The following COL4A1 variants were observed in gnomAD, a reference collection of about 807,000 sequenced individuals.
COL4A1 encodes collagen type IV alpha 1 chain.
A neutral mutation model predicts 216.6 loss-of-function variants in COL4A1; 40 were observed. That is an observed-to-expected ratio of 0.18 (90% CI 0.14 to 0.24). The LOEUF is 0.24. COL4A1 is among the 10% of genes least tolerant of loss of function. COL4A1 has a pLI of 1.00. For synonymous variants in COL4A1, 839 were observed against 810.7 expected (o/e 1.03, Z -0.59); for missense variants, 1,628 against 2,196.8 (o/e 0.74, Z 5.18).
Position 110,207,040 on chromosome 13 carries a change from TG to T in COL4A1, c.781-150del. 1 of 876,090 alleles carries T rather than the reference TG, an allele frequency of 1.1e-6. No individual in the cohort carries two copies. The highest frequency in any genetic ancestry group is 1.8e-6 in the Non-Finnish European group (1 of 545,584). 54.3% of individuals were successfully genotyped at this position (876,090 alleles called of 1,614,324 possible). A position where few individuals can be genotyped will look rare whatever the true frequency, so the allele number is the denominator to read the frequency against. On this transcript the variant is annotated intron_variant, in intron 13 of 51. Coordinates refer to ENST00000375820, the MANE Select transcript of COL4A1 (RefSeq NM_001845.6). The surrounding 1 kb of genome is among the most constrained non-coding windows in gnomAD (Gnocchi z 4.4). ...TTGATCTCCAGCACTCACTTGACAT[TG>T]ACTGGTATAAATGTAAGCAGGGCAG...
At chr13:110,192,786 C>A in intron 23 of COL4A1, 44 bp downstream of exon 23, 2 of 1,571,532 alleles carry the variant, frequency 1.3e-6, no homozygotes, top group Non-Finnish European at 1.8e-6. Flanking sequence ...TGCCAACACA[C>A]CAAAGCAAAC....
intron 1 of COL4A1, among the ~76,000 whole-genome samples, chr13:110,282,647 T>G (rs1463319192): frequency 6.6e-6 from 1 of 152,226 alleles, no homozygotes; most frequent in Non-Finnish European, 1.5e-5. Flanking sequence ...CATAACTGTG[T>G]GTCCTACCCT....
chr13:110,238,577 A>G (rs147626390), intron 2 of COL4A1, among the ~76,000 whole-genome samples: 1,548 of 152,298 alleles, frequency 0.01, 23 homozygotes, highest in African/African-American at 0.034. Flanking sequence ...CTTCTCAGAA[A>G]GACTTTTGTA....
intron 33 of COL4A1, 130 bp downstream of exon 33, chr13:110,177,712 C>T: frequency 1.1e-6 from 1 of 921,290 alleles, no homozygotes; most frequent in Non-Finnish European, 1.7e-6. Context: ...TCCCAGCCTT[C>T]TGCTTGATGT....
intron 1 of COL4A1, among the ~76,000 whole-genome samples, chr13:110,248,347 G>A (rs372907546): frequency 1.3e-3 from 186 of 141,868 alleles, no homozygotes; most frequent in African/African-American, 4.7e-3. Context: ...TCTGGAAGGC[G>A]CTCAGCCGCC....
intron 1 of COL4A1, among the ~76,000 whole-genome samples, chr13:110,248,503 T>A (rs1227419959): frequency 6.6e-6 from 1 of 152,048 alleles, no homozygotes; most frequent in Non-Finnish European, 1.5e-5. Flanking sequence ...TTGACCTTCA[T>A]CACGTCCTGC....
rs531510212 is a variant in COL4A1 at position 110,221,948 on chromosome 13, T to C, written c.145-7933A>G. On this transcript the variant is annotated intron_variant, in intron 2 of 51. Coordinates refer to ENST00000375820, the MANE Select transcript of COL4A1 (RefSeq NM_001845.6). ...GTCTGTCATCAACAGCTTAATTCCGTTTTCGCATCAAACCACACCAGCAGA... is the reference window on the plus strand; with the variant it reads ...GTCTGTCATCAACAGCTTAATTCCGCTTTCGCATCAAACCACACCAGCAGA... Among the ~76,000 whole-genome samples, 39 of 152,330 alleles carry C rather than the reference T, an allele frequency of 2.6e-4. No homozygotes were observed. In the South Asian group the frequency reaches 7.9e-3, roughly 31 times the overall value.
chr13:110,286,493 G>A (rs999847619), intron 1 of COL4A1, among the ~76,000 whole-genome samples: 6 of 152,198 alleles, frequency 3.9e-5, no homozygotes, highest in Admixed American at 3.3e-4. Flanking sequence ...GAAGTATCAT[G>A]CCAAGAAATC....
chr13:110,276,716 A>G (rs1319149694), intron 1 of COL4A1, among the ~76,000 whole-genome samples: 1 of 152,204 alleles, frequency 6.6e-6, no homozygotes, highest in Non-Finnish European at 1.5e-5. Context: ...GCTGGCCTTG[A>G]ACCTGCTCTC....
intron 1 of COL4A1, among the ~76,000 whole-genome samples, chr13:110,279,092 C>T (rs746955204): frequency 3.3e-5 from 5 of 152,104 alleles, no homozygotes; most frequent in Non-Finnish European, 5.9e-5. Flanking sequence ...GCCACAGGTG[C>T]TCTCAATGTC....
intron 29 of COL4A1, among the ~76,000 whole-genome samples, chr13:110,179,834 G>A (rs1300020461): frequency 6.6e-6 from 1 of 152,192 alleles, no homozygotes; most frequent in African/African-American, 2.4e-5. Flanking sequence ...CAAGGTTCCA[G>A]GGCTAGCATG....
intron 2 of COL4A1, among the ~76,000 whole-genome samples, chr13:110,219,870 G>GTATATATATGTATATATATGTGTGTA (rs112601949): frequency 4.8e-5 from 5 of 103,506 alleles, no homozygotes; most frequent in African/African-American, 1.8e-4. Flanking sequence ...ATATGTGTGT[G>GTATATATATGTATATATATGTGTGTA]TATATATGTA....
chr13:110,247,005 A>C (rs1052485140), intron 1 of COL4A1, among the ~76,000 whole-genome samples: 1 of 152,178 alleles, frequency 6.6e-6, no homozygotes, highest in African/African-American at 2.4e-5. Flanking sequence ...ATAAAAGCAG[A>C]CCAGCCATGG....
At chr13:110,233,811 A>AC (rs1464352784) in intron 2 of COL4A1, among the ~76,000 whole-genome samples, 1 of 152,108 alleles carries the variant, frequency 6.6e-6, no homozygotes, top group African/African-American at 2.4e-5. Flanking sequence ...TACAAACACT[A>AC]CCTAATGGCC....
chr13:110,182,621 A>G (rs1878218928), intron 28 of COL4A1, among the ~76,000 whole-genome samples: 1 of 150,204 alleles, frequency 6.7e-6, no homozygotes, highest in African/African-American at 2.5e-5. Context: ...CCTCCCTGCG[A>G]CTCCTTGCAC....
At position 110,255,883 on chromosome 13, in the gene COL4A1, G is replaced by GA. The variant is rs147787666; in HGVS notation, c.85-13150dup. Among the ~76,000 whole-genome samples the GA allele has an allele frequency of 3.5e-4, 12 of 34,626 alleles. 3 individuals are homozygous for GA. The highest frequency in any genetic ancestry group is 2.5e-3 in the South Asian group (2 of 806). The allele number at this position is 34,626 out of a possible 152,430, so 22.7% of individuals were successfully genotyped here. The stretch of plus-strand genomic sequence containing the variant: ...GGAAGGGAGGGGGAAGGCAGGAAGG[G>GA]AGGGGGAAGGCAGGAAGGGAGGGGG... On this transcript the variant is annotated intron_variant, in intron 1 of 51. Coordinates refer to ENST00000375820, the MANE Select transcript of COL4A1 (RefSeq NM_001845.6).
chr13:110,150,430 G>A lies in COL4A1; in HGVS notation c.4943C>T (p.Ser1648Phe), dbSNP rs1394654969. ...RSEMFKKPTP[S>F]TLKAGELRTH... The stretch of plus-strand genomic sequence containing the variant: ...GCGCAGCTCCCCTGCCTTCAAGGTG[G>A]ACGGCGTAGGCTTCCTAAAACACGA... The change falls in exon 52 of 52, where the codon TCC (serine) becomes TTC (phenylalanine). Residue 1648 changes from serine (S) to phenylalanine (F), a missense_variant. Around this residue, in one of 8 missense-constraint regions of COL4A1, gnomAD observed 254 missense variants for 300.1 expected, o/e 0.85. Transcript: ENST00000375820. 3.1e-6 allele frequency: 5 copies of A among 1,614,078 alleles called. No homozygotes were observed. The highest frequency in any genetic ancestry group is 1.6e-4 in the Middle Eastern group (1 of 6,062).
At position 110,163,477 on chromosome 13, in the gene COL4A1, G is replaced by A; in HGVS notation, c.4235C>T (p.Pro1412Leu). 6.2e-7 allele frequency: 1 copy of A among 1,614,130 alleles called. No homozygotes were observed. Among genetic ancestry groups the A allele is most frequent in the Non-Finnish European group, 8.5e-7 (1 of 1,180,022 alleles). The change falls in exon 47 of 52, where the codon CCT becomes CTT. Residue 1412 changes from proline to leucine, a missense_variant. Coordinates refer to ENST00000375820, the MANE Select transcript of COL4A1 (RefSeq NM_001845.6). ...TCGCAACCTACCAGTAGGCCCGGCA[G>A]GTCCCATCTCTCCTTTCTGGCCAGG... ...GAPGQKGEMG[P>L]AGPTGPRGFP...
In COL4A1 at chr13:110,187,149, T is replaced by G. The variant is rs1006335866; in HGVS notation, c.1717A>C (p.Lys573Gln). Residue 573 changes from lysine (K) to glutamine (Q), a missense_variant, in exon 25 of 52, where the codon AAG (lysine) becomes CAG (glutamine). Coordinates refer to ENST00000375820, the MANE Select transcript of COL4A1 (RefSeq NM_001845.6). Reference protein sequence around the residue: ...RDGHPGLPGPKGSPGSVGLKG... With the variant: ...RDGHPGLPGPQGSPGSVGLKG... ...GGAGATAAACATACCGGCGAGCCCT[T>G]GGGGCCAGGAAGACCCGGATGGCCA... The G allele has an allele frequency of 2.5e-6, 4 of 1,614,016 alleles. No individual in the cohort carries two copies. Among genetic ancestry groups the G allele is most frequent in the Non-Finnish European group, 3.4e-6 (4 of 1,179,898 alleles).
Sources: gnomAD v4.1 joint callset for allele counts (sites outside exome capture counted in the v4.1 genomes callset) on GRCh38, gnomAD v4.1.1 for gene constraint, gnomAD v4.1.1 regional missense constraint, Gnocchi (gnomAD v3.1) non-coding constraint, MANE v1.5 for transcripts, NCBI Gene and HGNC (gene_info 2026-07-23, HGNC 2026-07-21) for gene names.